The following TMPRSS11A variants were observed in gnomAD, a reference collection of about 807,000 sequenced individuals.
TMPRSS11A encodes the protein transmembrane serine protease 11A.
In TMPRSS11A, 53 loss-of-function variants were observed where a neutral mutation model predicts 58.9. The ratio of observed to expected loss-of-function variants is 0.90; its 90% CI spans 0.72 to 1.13. The LOEUF is 1.13. Among genes scored for constraint, TMPRSS11A ranks in the 50% most tolerant of loss-of-function variants. The pLI, the probability that TMPRSS11A is intolerant of heterozygous loss-of-function variation, is 0.00. For synonymous variants in TMPRSS11A, 167 were observed against 169.8 expected, an observed-to-expected ratio of 0.98 and a Z score of 0.13; for missense variants, 493 against 499.3, an observed-to-expected ratio of 0.99 and a Z score of 0.12.
At chr4:67,962,415 A>G (rs1577876747) in intron 1 of TMPRSS11A, among the ~76,000 whole-genome samples, 1 of 152,136 alleles carries the variant, frequency 6.6e-6, no homozygotes, top group Admixed American at 6.5e-5. Context: ...GCAGTAGCTG[A>G]TAAGGAAGAC....
chr4:67,942,055 G>A (rs1005285850), intron 3 of TMPRSS11A, among the ~76,000 whole-genome samples: 1 of 152,062 alleles, frequency 6.6e-6, no homozygotes, highest in African/African-American at 2.4e-5. Flanking sequence ...CAGAAAAATA[G>A]GCAAATAATA....
In TMPRSS11A at chr4:67,957,301, T is replaced by C. The variant is rs1409211118; in HGVS notation, c.11+6082A>G. On this transcript the variant is annotated intron_variant, in intron 1 of 9. Coordinates refer to ENST00000508048, the MANE Select transcript of TMPRSS11A (RefSeq NM_001114387.2). ...ACAGTTTGGAGGGCTGAGAAGAAGA[T>C]AGGAAAATTTGGGAAAGTTTGGAAC... is the stretch of plus-strand genomic sequence containing the variant. 3.9e-5 allele frequency among the ~76,000 whole-genome samples: 6 copies of C among 152,062 alleles called. No homozygotes were observed. The East Asian group carries it at 7.7e-4, about 20-fold the overall frequency.
Position 67,919,023 on chromosome 4 carries a change from T to G in TMPRSS11A, c.902A>C (p.Gln301Pro), listed in dbSNP as rs537698834. ...TGTGATGTGGACAGTCAAATTTGGTTGGAAGGATGCAGAGGCTTCTGGCAA... is the reference window on the plus strand; with the variant it reads ...TGTGATGTGGACAGTCAAATTTGGTGGGAAGGATGCAGAGGCTTCTGGCAA... ...ICLPEASASF[Q>P]PNLTVHITGF... The change falls in exon 8 of 10, where the codon CAA (glutamine) becomes CCA (proline). Residue 301 changes from glutamine (Q) to proline (P), a missense_variant. Physicochemically the swap from Gln to Pro is moderately conservative, Grantham distance 76. Coordinates refer to ENST00000508048, the MANE Select transcript of TMPRSS11A (RefSeq NM_001114387.2). The G allele has an allele frequency of 1.2e-4, 188 of 1,614,146 alleles. No homozygotes were observed. In the Admixed American group the frequency reaches 1.2e-3, roughly 10 times the overall value.
At chr4:67,938,073 T>C (rs1488985108) in intron 3 of TMPRSS11A, among the ~76,000 whole-genome samples, 2 of 152,214 alleles carry the variant, frequency 1.3e-5, no homozygotes, top group Non-Finnish European at 2.9e-5. Flanking sequence ...TGTTATTTTT[T>C]TAATCTTTAA....
At chr4:67,960,899 T>C (rs1721407107) in intron 1 of TMPRSS11A, among the ~76,000 whole-genome samples, 1 of 152,238 alleles carries the variant, frequency 6.6e-6, no homozygotes. Flanking sequence ...GAAAAAGAGA[T>C]GCCAGACTTC....
intron 8 of TMPRSS11A, among the ~76,000 whole-genome samples, chr4:67,916,158 A>T (rs1720139337): frequency 6.6e-6 from 1 of 152,194 alleles, no homozygotes; most frequent in South Asian, 2.1e-4. Context: ...AATGATAATT[A>T]TGTAAAATAA....
chr4:67,953,675 G>A (rs1482309200), intron 1 of TMPRSS11A, among the ~76,000 whole-genome samples: 1 of 152,136 alleles, frequency 6.6e-6, no homozygotes, highest in East Asian at 1.9e-4. Flanking sequence ...GCACATGCCT[G>A]TAATCCCAGC....
chr4:67,941,660 C>A (rs527521881), intron 3 of TMPRSS11A, among the ~76,000 whole-genome samples: 128 of 152,304 alleles, frequency 8.4e-4, no homozygotes, highest in African/African-American at 3.0e-3. Context: ...GATATTTTAA[C>A]TAGTTATATT....
In TMPRSS11A at chr4:67,914,714, A is replaced by T. The variant is rs1473490816; in HGVS notation, c.969T>A (p.Asp323Glu). ...TGATTTTCACTCTGGCTTCTCGGAG[A>T]TCATTTTGGGATTCCCCTTAAGGAA... Reference protein sequence around the residue: ...ALYYGGESQNDLREARVKIIS... With the variant: ...ALYYGGESQNELREARVKIIS... Residue 323 changes from aspartate to glutamate, a missense_variant, in exon 9 of 10, where the codon GAT becomes GAA. Coordinates refer to ENST00000508048, the MANE Select transcript of TMPRSS11A (RefSeq NM_001114387.2). 1 of 1,612,876 alleles carries T rather than the reference A, an allele frequency of 6.2e-7. No individual in the cohort carries two copies. The highest frequency in any genetic ancestry group is 2.2e-5 in the East Asian group (1 of 44,778).
At chr4:67,936,135 A>G (rs1187383360) in intron 3 of TMPRSS11A, among the ~76,000 whole-genome samples, 1 of 152,126 alleles carries the variant, frequency 6.6e-6, no homozygotes, top group Non-Finnish European at 1.5e-5. Flanking sequence ...CTACCTCAGG[A>G]TGAGCATGCA....
chr4:67,948,139 G>A (rs1034655755), intron 1 of TMPRSS11A, among the ~76,000 whole-genome samples: 1 of 136,544 alleles, frequency 7.3e-6, no homozygotes. Context: ...CTATAAAACA[G>A]TTTTTTTCTT....
In TMPRSS11A at chr4:67,932,033, A is replaced by G; in HGVS notation, c.280T>C (p.Trp94Arg). ...TGGTTCTTGATATAATTTTTCTTCCAGGCTGAATCTATAAATATCTCATCC... is the reference window on the plus strand; with the variant it reads ...TGGTTCTTGATATAATTTTTCTTCCGGGCTGAATCTATAAATATCTCATCC... ...LVDEIFIDSA[W>R]KKNYIKNQVV... The change falls in exon 4 of 10, where the codon TGG becomes CGG. Residue 94 changes from tryptophan to arginine, a missense_variant. By Grantham distance (101) the Trp-to-Arg change is moderately radical (BLOSUM62 -3). Transcript: ENST00000508048. 1.2e-6 allele frequency: 2 copies of G among 1,601,038 alleles called. No individual in the cohort carries two copies. The highest frequency in any genetic ancestry group is 1.7e-6 in the Non-Finnish European group (2 of 1,168,420).
chr4:67,949,499 C>T (rs933426098), intron 1 of TMPRSS11A, among the ~76,000 whole-genome samples: 2 of 152,172 alleles, frequency 1.3e-5, no homozygotes, highest in African/African-American at 4.8e-5. Flanking sequence ...CTACTAAATC[C>T]TATATGAATA....
chr4:67,940,673 T>C lies in TMPRSS11A; in HGVS notation c.252+3846A>G, dbSNP rs142149580. ...TCTAGCTAGCAGTCCAGACTGGTTT[T>C]GGCTGACTCACAGAGGATGCATAGT... On this transcript the variant is annotated intron_variant, in intron 3 of 9. Coordinates refer to ENST00000508048, the MANE Select transcript of TMPRSS11A (RefSeq NM_001114387.2). 5.8e-3 allele frequency among the ~76,000 whole-genome samples: 884 copies of C among 152,318 alleles called. 5 individuals carry two copies. The highest frequency in any genetic ancestry group is 0.018 in the African/African-American group (763 of 41,556).
chr4:67,914,408 TCTTA>T (rs781185578), intron 9 of TMPRSS11A, among the ~76,000 whole-genome samples, 176 bp downstream of exon 9: 70 of 152,220 alleles, frequency 4.6e-4, no homozygotes, highest in Non-Finnish European at 8.8e-4. Flanking sequence ...TCAGAGAAAC[TCTTA>T]CTTCATTTAT....
At chr4:67,947,808 C>CT (rs1721062573) in intron 1 of TMPRSS11A, among the ~76,000 whole-genome samples, 1 of 152,186 alleles carries the variant, frequency 6.6e-6, no homozygotes, top group African/African-American at 2.4e-5. Flanking sequence ...CCTTGTTCAT[C>CT]TTTTTACCGC....
In TMPRSS11A at chr4:67,953,021, A is replaced by G. The variant is rs72645845; in HGVS notation, c.12-6450T>C. 8.7e-3 allele frequency among the ~76,000 whole-genome samples: 1,327 copies of G among 152,222 alleles called. 11 individuals are homozygous for G. Among genetic ancestry groups the G allele is most frequent in the Non-Finnish European group, 0.013 (852 of 68,008 alleles). Reference sequence around the variant, plus strand: ...GGTGGTTTGGTAATGAAATTGTTCCACCTCAGATCATCAGGCATTAGATTC... The same window carrying G: ...GGTGGTTTGGTAATGAAATTGTTCCGCCTCAGATCATCAGGCATTAGATTC... On this transcript the variant is annotated intron_variant, in intron 1 of 9. Transcript: ENST00000508048.
chr4:67,929,668 CAATT>C (rs1438527989), intron 5 of TMPRSS11A, among the ~76,000 whole-genome samples: 1 of 152,190 alleles, frequency 6.6e-6, no homozygotes, highest in Non-Finnish European at 1.5e-5. Context: ...GAGTGCCAAT[CAATT>C]ACTGTCGGGA....
chr4:67,948,139 G>GTT (rs1315885549), intron 1 of TMPRSS11A, among the ~76,000 whole-genome samples: 4 of 136,538 alleles, frequency 2.9e-5, no homozygotes, highest in African/African-American at 1.1e-4. Flanking sequence ...CTATAAAACA[G>GTT]TTTTTTTCTT....
Sources: gnomAD v4.1 joint callset for allele counts (sites outside exome capture counted in the v4.1 genomes callset) on GRCh38, gnomAD v4.1.1 for gene constraint, MANE v1.5 for transcripts, NCBI Gene and HGNC (gene_info 2026-07-23, HGNC 2026-07-21) for gene names.